The following HCN1 variants were observed in gnomAD, a reference collection of about 807,000 sequenced individuals.
HCN1 encodes potassium/sodium hyperpolarization-activated cyclic nucleotide-gated channel 1.
In HCN1, 13 loss-of-function variants were observed where a neutral mutation model predicts 78.9. The ratio of observed to expected loss-of-function variants is 0.16; its 90% CI spans 0.11 to 0.26. The LOEUF is 0.26. HCN1 is among the 10% of genes least tolerant of loss of function. The pLI is 1.00. For synonymous variants in HCN1, 552 were observed against 455.5 expected, an observed-to-expected ratio of 1.21 and a Z score of -2.70; for missense variants, 810 against 1,154.3, an observed-to-expected ratio of 0.70 and a Z score of 4.32.
At chr5:45,429,066 A>C (rs1360129369) in intron 3 of HCN1, among the ~76,000 whole-genome samples, 1 of 152,140 alleles carries the variant, frequency 6.6e-6, no homozygotes, top group Admixed American at 6.5e-5. Context: ...TTAGCCCTCA[A>C]AATAACCTTT....
chr5:45,424,117 TCCAA>T (rs1740287764), intron 3 of HCN1, among the ~76,000 whole-genome samples: 1 of 48,772 alleles, frequency 2.1e-5, no homozygotes, highest in Non-Finnish European at 4.1e-5. Context: ...CTACTAAAAA[TCCAA>T]AAAAAAAAAA....
intron 2 of HCN1, among the ~76,000 whole-genome samples, chr5:45,495,207 C>T (rs1339294205): frequency 1.8e-4 from 18 of 102,382 alleles, no homozygotes; most frequent in South Asian, 3.9e-4. Context: ...GCCATTTTCA[C>T]GATATTGATT....
At chr5:45,541,963 T>C (rs994004539) in intron 2 of HCN1, among the ~76,000 whole-genome samples, 2 of 152,110 alleles carry the variant, frequency 1.3e-5, no homozygotes, top group African/African-American at 4.8e-5. Context: ...GTAAACATAT[T>C]TGTGGACAGA....
chr5:45,258,808 A>C lies in HCN1; in HGVS notation c.*3113T>G, dbSNP rs180748016. The C allele has an allele frequency of 1.2e-4, 18 of 152,144 alleles. No individual in the cohort carries two copies. The highest frequency in any genetic ancestry group is 4.1e-4 in the African/African-American group (17 of 41,570). 9.4% of individuals were successfully genotyped at this position (152,144 alleles called of 1,614,324 possible). A position where few individuals can be genotyped will look rare whatever the true frequency, so the allele number is the denominator to read the frequency against. On this transcript the variant is annotated 3_prime_UTR_variant, in exon 8 of 8. Coordinates refer to ENST00000303230, the MANE Select transcript of HCN1 (RefSeq NM_021072.4). ...GAGCCCAAGGCCCTATTATAACAAA[A>C]TAGGTATGTTATAAAACTATTATAA...
intron 2 of HCN1, among the ~76,000 whole-genome samples, chr5:45,521,002 T>G (rs911275587): frequency 2.6e-5 from 4 of 151,586 alleles, no homozygotes; most frequent in Non-Finnish European, 4.4e-5. Context: ...TTTTTTTTTG[T>G]TTTTTTGGCT....
At chr5:45,404,987 A>G (rs889455611) in intron 3 of HCN1, among the ~76,000 whole-genome samples, 2 of 152,166 alleles carry the variant, frequency 1.3e-5, no homozygotes, top group Admixed American at 1.3e-4. Flanking sequence ...AAAATCTAAA[A>G]TATGGCACTC....
intron 2 of HCN1, among the ~76,000 whole-genome samples, chr5:45,527,532 TTC>T (rs948573750): frequency 2.0e-5 from 3 of 151,508 alleles, no homozygotes; most frequent in South Asian, 2.1e-4. Context: ...ATCATTCTCA[TTC>T]TCTCTCTCTT....
intron 6 of HCN1, among the ~76,000 whole-genome samples, chr5:45,267,550 ACGAGGTCAAGAG>A (rs2111847551): frequency 6.6e-6 from 1 of 151,926 alleles, no homozygotes; most frequent in South Asian, 2.1e-4. Context: ...TGGGTGAATC[ACGAGGTCAAGAG>A]ATCGAGACCA....
intron 6 of HCN1, among the ~76,000 whole-genome samples, chr5:45,298,862 C>T (rs549356847): frequency 6.6e-6 from 1 of 152,038 alleles, no homozygotes; most frequent in South Asian, 2.1e-4. Flanking sequence ...AACCCTAACT[C>T]AAGTTAGATG....
At chr5:45,641,204 T>C (rs1371702431) in intron 2 of HCN1, among the ~76,000 whole-genome samples, 1 of 152,210 alleles carries the variant, frequency 6.6e-6, no homozygotes, top group African/African-American at 2.4e-5. Context: ...TGTATAATTA[T>C]AGATAGGCAA....
chr5:45,351,765 C>T (rs1246150715), intron 5 of HCN1, among the ~76,000 whole-genome samples: 1 of 149,870 alleles, frequency 6.7e-6, no homozygotes, highest in Non-Finnish European at 1.5e-5. Flanking sequence ...AGCCAAAAAA[C>T]ACATGAAAAA....
chr5:45,649,271 G>C (rs1190652814), intron 1 of HCN1, among the ~76,000 whole-genome samples: 1 of 151,874 alleles, frequency 6.6e-6, no homozygotes, highest in African/African-American at 2.4e-5. Context: ...TATTTTTAGA[G>C]TAGTTTTAGG....
chr5:45,543,676 C>G (rs1240262450), intron 2 of HCN1, among the ~76,000 whole-genome samples: 1 of 151,974 alleles, frequency 6.6e-6, no homozygotes, highest in Non-Finnish European at 1.5e-5. Context: ...GTACAGCTTC[C>G]ATACAATGTG....
At chr5:45,394,211 C>T (rs537613473) in intron 4 of HCN1, among the ~76,000 whole-genome samples, 2 of 152,168 alleles carry the variant, frequency 1.3e-5, no homozygotes, top group South Asian at 2.1e-4. Context: ...GTCTGACTAT[C>T]GTCAAGGAAG....
chr5:45,614,499 C>T (rs1355741090), intron 2 of HCN1, among the ~76,000 whole-genome samples: 1 of 152,038 alleles, frequency 6.6e-6, no homozygotes, highest in African/African-American at 2.4e-5. Context: ...AAAGCGAAAA[C>T]TTGAAATAGG....
chr5:45,609,688 A>G (rs2111976449), intron 2 of HCN1, among the ~76,000 whole-genome samples: 1 of 152,294 alleles, frequency 6.6e-6, no homozygotes, highest in East Asian at 1.9e-4. Context: ...ATTCACGCCA[A>G]GAAATGCACA....
rs2111838461 is a variant in HCN1 at position 45,262,086 on chromosome 5, C to T, written c.2508G>A (p.Pro836=). ...TCTGTCGGAAGAGGGTGACGCGCTG[C>T]GGGACAGTGCTCCTGCCCCCTGCCT... is the stretch of plus-strand genomic sequence containing the variant. The part of the protein sequence containing the change: ...GLQAGGRSTV[P]QRVTLFRQMS... Residue 836 remains proline, a synonymous_variant, in exon 8 of 8, where the codon CCG becomes CCA. Transcript: ENST00000303230. The T allele has an allele frequency of 6.2e-7, 1 of 1,612,972 alleles. No individual in the cohort carries two copies. Among genetic ancestry groups the T allele is most frequent in the Non-Finnish European group, 8.5e-7 (1 of 1,179,348 alleles).
At chr5:45,583,884 G>T (rs1159671364) in intron 2 of HCN1, among the ~76,000 whole-genome samples, 1 of 152,156 alleles carries the variant, frequency 6.6e-6, no homozygotes, top group East Asian at 1.9e-4. Flanking sequence ...AAAATCTGTG[G>T]TCTGAGAAAC....
intron 2 of HCN1, among the ~76,000 whole-genome samples, chr5:45,495,710 C>G (rs1454665358): frequency 8.6e-5 from 13 of 152,036 alleles, no homozygotes; most frequent in Non-Finnish European, 1.8e-4. Flanking sequence ...CAGTTTTTGC[C>G]CATTCACTAT....
Sources: gnomAD v4.1 joint callset for allele counts (sites outside exome capture counted in the v4.1 genomes callset) on GRCh38, gnomAD v4.1.1 for gene constraint, MANE v1.5 for transcripts, NCBI Gene and HGNC (gene_info 2026-07-23, HGNC 2026-07-21) for gene names.